The following LTBP1 variants were observed in gnomAD, a reference collection of about 807,000 sequenced individuals.
LTBP1 encodes the protein latent transforming growth factor beta binding protein 1, also known as latent-transforming growth factor beta-binding protein 1.
A neutral mutation model predicts 207.6 loss-of-function variants in LTBP1; 129 were observed. The ratio of observed to expected loss-of-function variants is 0.62; its 90% CI spans 0.54 to 0.72. LTBP1 has a LOEUF of 0.72. LTBP1 is among the 30% of genes least tolerant of loss of function. The pLI is 0.00. For missense variants in LTBP1, 2,281 were observed against 2,217.2 expected, an observed-to-expected ratio of 1.03 and a Z score of -0.58; for synonymous variants, 963 against 833.7, an observed-to-expected ratio of 1.16 and a Z score of -2.67.
chr2:33,347,298 C>T (rs866138920), intron 25 of LTBP1, 69 bp from the exon 26 acceptor site: 14 of 1,585,316 alleles, frequency 8.8e-6, no homozygotes, highest in Middle Eastern at 3.3e-4. Flanking sequence ...AGCCCTGGCA[C>T]AGCTGGTAAA....
At chr2:33,300,701 C>T (rs1166988165) in intron 21 of LTBP1, 128 bp downstream of exon 21, 1 of 951,744 alleles carries the variant, frequency 1.1e-6, no homozygotes, top group African/African-American at 1.7e-5. Flanking sequence ...TGCCAGAAAG[C>T]CAGGACTTAA....
intron 5 of LTBP1, among the ~76,000 whole-genome samples, chr2:33,182,687 G>GAGATATATAAT: frequency 1.5e-5 from 1 of 67,048 alleles, no homozygotes; most frequent in Admixed American, 1.5e-4. Context: ...AAAAGATGGT[G>GAGATATATAAT]ATATATATAT....
chr2:33,387,321 C>T (rs1386157100), intron 31 of LTBP1, among the ~76,000 whole-genome samples: 1 of 152,216 alleles, frequency 6.6e-6, no homozygotes, highest in African/African-American at 2.4e-5. Context: ...CTTAATTCTG[C>T]GTTTTCAAAC....
At chr2:32,968,656 A>G (rs1433906117) in intron 2 of LTBP1, among the ~76,000 whole-genome samples, 1 of 149,978 alleles carries the variant, frequency 6.7e-6, no homozygotes, top group Non-Finnish European at 1.5e-5. Context: ...TAGCTACTGT[A>G]TTTGTTACTG....
At chr2:32,978,430 C>G (rs1039699633) in intron 2 of LTBP1, among the ~76,000 whole-genome samples, 1 of 151,880 alleles carries the variant, frequency 6.6e-6, no homozygotes, top group Non-Finnish European at 1.5e-5. Flanking sequence ...TGAATTTTAT[C>G]AAATGTTTTT....
chr2:32,979,588 G>A (rs1415701006), intron 2 of LTBP1, among the ~76,000 whole-genome samples: 2 of 152,056 alleles, frequency 1.3e-5, no homozygotes, highest in Admixed American at 1.3e-4. Context: ...GAGTTGTTTT[G>A]TGGCATAAGA....
At chr2:33,280,291 C>A in intron 19 of LTBP1, 133 bp downstream of exon 19, 5 of 883,762 alleles carry the variant, frequency 5.7e-6, no homozygotes, top group Non-Finnish European at 7.9e-6. Context: ...AAGAAAAGTT[C>A]CCAGTAACTT....
chr2:33,310,959 T>G (rs2149183562), intron 23 of LTBP1, among the ~76,000 whole-genome samples: 1 of 152,346 alleles, frequency 6.6e-6, no homozygotes, highest in Middle Eastern at 3.4e-3. Context: ...CTGTGTAGTG[T>G]ATCCCAAAGC....
chr2:32,949,185 C>G (rs72866295), intron 2 of LTBP1, among the ~76,000 whole-genome samples: 16,985 of 152,278 alleles, frequency 0.11, 1,006 homozygotes, highest in Middle Eastern at 0.2. Flanking sequence ...CTGAACTCAA[C>G]AGAGATATTC....
intron 9 of LTBP1, among the ~76,000 whole-genome samples, chr2:33,224,028 A>C (rs779348192): frequency 4.6e-5 from 7 of 152,230 alleles, no homozygotes; most frequent in Non-Finnish European, 1.0e-4. Flanking sequence ...CTTTCTTCTC[A>C]TGCACAGTCT....
rs140172748 is a variant in LTBP1, at chr2:33,352,651, G to A, written c.4000+5141G>A. 7.7e-3 allele frequency among the ~76,000 whole-genome samples: 1,166 copies of A among 152,016 alleles called. 14 individuals carry two copies. The highest frequency in any genetic ancestry group is 0.036 in the South Asian group (175 of 4,808). On this transcript the variant is annotated intron_variant, in intron 26 of 33. Coordinates refer to ENST00000404816, the MANE Select transcript of LTBP1 (RefSeq NM_206943.4). ...CAGTAGCCTCCTACCTTCTCTCCTC[G>A]CCTCTCTCATCAATTCCTGCTCCAC...
At chr2:33,376,516 A>G (rs2095141397) in intron 31 of LTBP1, among the ~76,000 whole-genome samples, 1 of 152,242 alleles carries the variant, frequency 6.6e-6, no homozygotes, top group Non-Finnish European at 1.5e-5. Flanking sequence ...TGGGACCTGC[A>G]TCCTCTCAGT....
intron 7 of LTBP1, among the ~76,000 whole-genome samples, chr2:33,207,062 A>G (rs1044734568): frequency 5.3e-5 from 8 of 152,334 alleles, no homozygotes; most frequent in Non-Finnish European, 1.2e-4. Context: ...CAAAACACAC[A>G]TATCACAGCC....
chr2:33,265,743 T>C (rs1558913237), intron 15 of LTBP1, among the ~76,000 whole-genome samples: 1 of 152,222 alleles, frequency 6.6e-6, no homozygotes, highest in East Asian at 1.9e-4. Context: ...TTTAGATTTT[T>C]TTATTTTCCA....
At chr2:32,996,107 G>A (rs1311195825) in intron 2 of LTBP1, among the ~76,000 whole-genome samples, 5 of 152,254 alleles carry the variant, frequency 3.3e-5, no homozygotes, top group Non-Finnish European at 7.4e-5. Context: ...GATGGATTAT[G>A]TTTGGAACTC....
At chr2:33,009,740 G>A (rs1163284180) in intron 2 of LTBP1, among the ~76,000 whole-genome samples, 4 of 152,144 alleles carry the variant, frequency 2.6e-5, no homozygotes, top group Non-Finnish European at 4.4e-5. Flanking sequence ...AATACACTTG[G>A]TGAGCAACCT....
At position 33,134,832 on chromosome 2, in the gene LTBP1, C is replaced by T. The variant is rs746717730; in HGVS notation, c.1073C>T (p.Pro358Leu). The change falls in exon 5 of 34, where the codon CCG (proline) becomes CTG (leucine). Residue 358 changes from proline (P) to leucine (L), a missense_variant. Pro to Leu is a moderately conservative substitution (Grantham distance 98). Around this residue, in one of 3 missense-constraint regions of LTBP1, gnomAD observed 55 missense variants for 91.5 expected, o/e 0.60. Coordinates refer to ENST00000404816, the MANE Select transcript of LTBP1 (RefSeq NM_206943.4). The surrounding 1 kb of genome is among the most constrained non-coding windows in gnomAD (Gnocchi z 4.4). The stretch of plus-strand genomic sequence containing the variant: ...GGCCGCATCAAGGTGGTCTTTACTC[C>T]GAGCATCTGTAAAGTGACCTGCACC... ...HTGRIKVVFT[P>L]SICKVTCTKG... 1.9e-5 allele frequency: 31 copies of T among 1,613,962 alleles called. No homozygotes were observed. Among genetic ancestry groups the T allele is most frequent in the Non-Finnish European group, 2.5e-5 (29 of 1,180,038 alleles).
At chr2:33,132,904 T>A (rs2081900452) in intron 4 of LTBP1, among the ~76,000 whole-genome samples, 1 of 152,182 alleles carries the variant, frequency 6.6e-6, no homozygotes, top group Non-Finnish European at 1.5e-5. Flanking sequence ...GAAGAGGCAT[T>A]AGATTGTGAG....
At chr2:33,064,696 A>G (rs1386090673) in intron 3 of LTBP1, among the ~76,000 whole-genome samples, 2 of 152,194 alleles carry the variant, frequency 1.3e-5, no homozygotes, top group Non-Finnish European at 2.9e-5. Flanking sequence ...CCACAGAAGG[A>G]GATACTATCT....
Sources: gnomAD v4.1 joint callset for allele counts (sites outside exome capture counted in the v4.1 genomes callset) on GRCh38, gnomAD v4.1.1 for gene constraint, gnomAD v4.1.1 regional missense constraint, Gnocchi (gnomAD v3.1) non-coding constraint, MANE v1.5 for transcripts, NCBI Gene and HGNC (gene_info 2026-07-23, HGNC 2026-07-21) for gene names.